The following TOX variants were observed in gnomAD, a reference collection of about 807,000 sequenced individuals.
TOX encodes thymocyte selection-associated high mobility group box protein TOX.
A neutral mutation model predicts 53.7 loss-of-function variants in TOX; 11 were observed. That is an observed-to-expected ratio of 0.20 (90% CI 0.13 to 0.34). The LOEUF (loss-of-function observed/expected upper bound fraction) is 0.34, where lower values mean the gene tolerates loss of function less well. Among genes scored for constraint, TOX ranks in the 10% least tolerant of loss-of-function variants. The probability of loss-of-function intolerance (pLI) is 1.00; values close to 1 mark genes in which losing one functional copy is unlikely to be tolerated. For missense variants in TOX, 570 were observed against 664.6 expected, an observed-to-expected ratio of 0.86 and a Z score of 1.56; for synonymous variants, 225 against 245.3, an observed-to-expected ratio of 0.92 and a Z score of 0.77.
chr8:59,028,561 G>GCATACATA (rs566256532), intron 1 of TOX, among the ~76,000 whole-genome samples: 3 of 151,612 alleles, frequency 2.0e-5, no homozygotes, highest in African/African-American at 4.9e-5. Flanking sequence ...ATAGATACAT[G>GCATACATA]CATACATACA....
At chr8:58,875,403 A>G (rs1327008500) in intron 3 of TOX, among the ~76,000 whole-genome samples, 1 of 152,198 alleles carries the variant, frequency 6.6e-6, no homozygotes, top group Non-Finnish European at 1.5e-5. Context: ...GTACTAGTAT[A>G]TAGTAATTTA....
chr8:58,838,861 C>T (rs1346581050), intron 4 of TOX, among the ~76,000 whole-genome samples: 1 of 152,014 alleles, frequency 6.6e-6, no homozygotes, highest in Non-Finnish European at 1.5e-5. Flanking sequence ...GCCACCACAC[C>T]TGGCTAATTT....
intron 3 of TOX, among the ~76,000 whole-genome samples, chr8:58,925,991 G>A (rs1585904779): frequency 1.3e-5 from 2 of 152,302 alleles, no homozygotes; most frequent in South Asian, 4.1e-4. Flanking sequence ...AGCTACCCTG[G>A]TAAATCCATC....
At chr8:59,114,423 A>T (rs1010604051) in intron 1 of TOX, among the ~76,000 whole-genome samples, 1 of 152,200 alleles carries the variant, frequency 6.6e-6, no homozygotes, top group African/African-American at 2.4e-5. Context: ...AAACTTTTCT[A>T]TAATATCTGA....
chr8:58,908,427 G>C (rs186241059), intron 3 of TOX, among the ~76,000 whole-genome samples: 1 of 152,134 alleles, frequency 6.6e-6, no homozygotes, highest in Non-Finnish European at 1.5e-5. Context: ...TCTTACCTCT[G>C]TGCCTTTTTC....
intron 1 of TOX, among the ~76,000 whole-genome samples, chr8:58,987,297 C>T (rs944143038): frequency 5.9e-5 from 9 of 152,170 alleles, no homozygotes; most frequent in Non-Finnish European, 1.3e-4. Flanking sequence ...GCCTTCCCCC[C>T]AGCACTGTGA....
At chr8:58,896,996 T>C (rs887920832) in intron 3 of TOX, among the ~76,000 whole-genome samples, 3 of 152,268 alleles carry the variant, frequency 2.0e-5, no homozygotes, top group East Asian at 1.9e-4. Context: ...TACATTTTTC[T>C]TCCTAGACTA....
Position 58,807,440 on chromosome 8 carries a change from G to C in TOX, c.*307C>G. On this transcript the variant is annotated 3_prime_UTR_variant, in exon 9 of 9. Transcript: ENST00000361421. The stretch of plus-strand genomic sequence containing the variant: ...AATGGAAAATCCAGGACTTTTATCC[G>C]AGACATCTACAGTTGCTAAGGCAGT... The C allele has an allele frequency of 3.5e-6, 1 of 283,572 alleles. No individual in the cohort carries two copies. Among genetic ancestry groups the C allele is most frequent in the South Asian group, 7.5e-5 (1 of 13,332 alleles). 17.6% of individuals were successfully genotyped at this position (283,572 alleles called of 1,614,324 possible). A position where few individuals can be genotyped will look rare whatever the true frequency, so the allele number is the denominator to read the frequency against.
chr8:59,034,102 T>G (rs1371876277), intron 1 of TOX, among the ~76,000 whole-genome samples: 2 of 152,190 alleles, frequency 1.3e-5, no homozygotes, highest in African/African-American at 4.8e-5. Flanking sequence ...GAGGCTGACT[T>G]CTTGAAAACC....
chr8:58,812,317 T>A (rs900745776), intron 7 of TOX, among the ~76,000 whole-genome samples: 5 of 152,136 alleles, frequency 3.3e-5, no homozygotes, highest in Non-Finnish European at 4.4e-5. Flanking sequence ...CCACTCCAAT[T>A]CCCTGCCCTT....
At position 58,941,298 on chromosome 8, in the gene TOX, A is replaced by G. The variant is rs1046339803; in HGVS notation, c.169-1754T>C. On this transcript the variant is annotated intron_variant, in intron 2 of 8. Coordinates refer to ENST00000361421, the MANE Select transcript of TOX (RefSeq NM_014729.3). ...TGTCTATTTCATATTAAAGCACTGT[A>G]CCAAGGTCTTTGACTATGTTGCCTC... Among the ~76,000 whole-genome samples the G allele has an allele frequency of 9.8e-5, 15 of 152,322 alleles. No individual in the cohort carries two copies. The South Asian group carries it at 3.1e-3, about 32-fold the overall frequency.
At chr8:59,018,094 T>A (rs564957693) in intron 1 of TOX, among the ~76,000 whole-genome samples, 1 of 152,250 alleles carries the variant, frequency 6.6e-6, no homozygotes, top group African/African-American at 2.4e-5. Context: ...TTTAGGACCA[T>A]AAATTCCAAG....
chr8:59,053,406 C>G (rs567139112), intron 1 of TOX, among the ~76,000 whole-genome samples: 1 of 152,206 alleles, frequency 6.6e-6, no homozygotes, highest in Non-Finnish European at 1.5e-5. Context: ...ACCACACTGC[C>G]TCTAGGATCT....
At chr8:58,935,452 C>T (rs1812328667) in intron 3 of TOX, among the ~76,000 whole-genome samples, 1 of 152,170 alleles carries the variant, frequency 6.6e-6, no homozygotes, top group African/African-American at 2.4e-5. Context: ...GTTGATCCTA[C>T]ACATAAATTT....
chr8:59,061,532 T>C (rs1803983869), intron 1 of TOX, among the ~76,000 whole-genome samples: 2 of 152,174 alleles, frequency 1.3e-5, no homozygotes, highest in Admixed American at 1.3e-4. Context: ...AATAAATGTT[T>C]TAAAATGTTT....
chr8:59,028,944 T>C (rs956214693), intron 1 of TOX, among the ~76,000 whole-genome samples: 1 of 152,172 alleles, frequency 6.6e-6, no homozygotes, highest in Admixed American at 6.5e-5. Context: ...TTAGCAAACC[T>C]TGAGGTTCAC....
chr8:59,106,424 G>GTACTT (rs1804904391), intron 1 of TOX, among the ~76,000 whole-genome samples: 1 of 152,144 alleles, frequency 6.6e-6, no homozygotes. Context: ...CATCATCCAA[G>GTACTT]TATATTATAA....
chr8:58,924,501 C>T (rs1812122353), intron 3 of TOX, among the ~76,000 whole-genome samples: 1 of 152,234 alleles, frequency 6.6e-6, no homozygotes. Context: ...ATCACTTTCT[C>T]ATCTCACACA....
At chr8:58,893,724 C>T (rs1811596327) in intron 3 of TOX, among the ~76,000 whole-genome samples, 2 of 152,184 alleles carry the variant, frequency 1.3e-5, no homozygotes, top group African/African-American at 2.4e-5. Context: ...CCTAAGTTGA[C>T]TTTACATAGA....
Sources: gnomAD v4.1 joint callset for allele counts (sites outside exome capture counted in the v4.1 genomes callset) on GRCh38, gnomAD v4.1.1 for gene constraint, MANE v1.5 for transcripts, NCBI Gene and HGNC (gene_info 2026-07-23, HGNC 2026-07-21) for gene names.